Variants in SUCLG2 observed in about 807,000 individuals in gnomAD.
The protein encoded by SUCLG2 is succinate-CoA ligase GDP-forming subunit beta, also known as succinate--CoA ligase [GDP-forming] subunit beta, mitochondrial.
A neutral mutation model predicts 47.9 loss-of-function variants in SUCLG2; 42 were observed. The ratio of observed to expected loss-of-function variants is 0.88; its 90% CI spans 0.69 to 1.14. The LOEUF is 1.14. Among genes scored for constraint, SUCLG2 ranks in the 50% most tolerant of loss-of-function variants. The pLI, the probability that SUCLG2 is intolerant of heterozygous loss-of-function variation, is 0.00. For missense variants in SUCLG2, 571 were observed against 525.9 expected (o/e 1.09, Z -0.84); for synonymous variants, 195 against 197.3 (o/e 0.99, Z 0.10).
rs1044192643 is a variant in SUCLG2, at chr3:67,374,894, A to T, written c.*850T>A. On this transcript the variant is annotated 3_prime_UTR_variant, in exon 11 of 11. Transcript: ENST00000307227. ...CCATAAACTGGTAGATTCTGGGAGGATGAGGAGTAAGAGAGAAACGAGGAG... is the reference window on the plus strand; with the variant it reads ...CCATAAACTGGTAGATTCTGGGAGGTTGAGGAGTAAGAGAGAAACGAGGAG... 4.1e-6 allele frequency: 4 copies of T among 985,210 alleles called. No homozygotes were observed. The African/African-American group carries it at 7.0e-5, about 17-fold the overall frequency. The allele number at this position is 985,210 out of a possible 1,614,324, so 61.0% of individuals were successfully genotyped here.
At chr3:67,416,639 T>G (rs1418590366) in intron 9 of SUCLG2, among the ~76,000 whole-genome samples, 2 of 152,152 alleles carry the variant, frequency 1.3e-5, no homozygotes, top group Non-Finnish European at 2.9e-5. Flanking sequence ...GCAATGTGAG[T>G]TAAATGAAAA....
chr3:67,453,809 G>A (rs1251998217), intron 9 of SUCLG2, among the ~76,000 whole-genome samples: 1 of 152,056 alleles, frequency 6.6e-6, no homozygotes, highest in African/African-American at 2.4e-5. Context: ...TGTGTTCACT[G>A]GTCACATGTG....
Position 67,654,592 on chromosome 3 carries a change from A to G in SUCLG2, c.-6T>C. 2 of 1,273,038 alleles carry G rather than the reference A, an allele frequency of 1.6e-6. No individual in the cohort carries two copies. Among genetic ancestry groups the G allele is most frequent in the East Asian group, 2.9e-5 (1 of 34,154 alleles). 78.9% of individuals were successfully genotyped at this position (1,273,038 alleles called of 1,614,324 possible). A position where few individuals can be genotyped will look rare whatever the true frequency, so the allele number is the denominator to read the frequency against. On this transcript the variant is annotated 5_prime_UTR_variant, in exon 1 of 11. Coordinates refer to ENST00000307227, the MANE Select transcript of SUCLG2 (RefSeq NM_003848.4). The stretch of plus-strand genomic sequence containing the variant: ...GCTGCTACGGGGGACGCCATCTTAA[A>G]CAGGAAACTCGGCACGGGGCAGTAG...
chr3:67,609,383 C>G, intron 2 of SUCLG2, 72 bp downstream of exon 2: 1 of 1,523,192 alleles, frequency 6.6e-7, no homozygotes, highest in South Asian at 1.3e-5. Flanking sequence ...AAAAAATTAA[C>G]TAGTGGGAAG....
chr3:67,452,141 A>C (rs969679364), intron 9 of SUCLG2, among the ~76,000 whole-genome samples: 4 of 152,188 alleles, frequency 2.6e-5, no homozygotes, highest in Admixed American at 6.5e-5. Context: ...AATACAAATA[A>C]AAAACAAAAA....
At chr3:67,470,022 G>T (rs1460710424) in intron 9 of SUCLG2, among the ~76,000 whole-genome samples, 3 of 146,596 alleles carry the variant, frequency 2.0e-5, no homozygotes, top group Non-Finnish European at 4.5e-5. Context: ...TCCAGCATGG[G>T]CAACAAGAGT....
chr3:67,512,047 G>A (rs1705807504), intron 6 of SUCLG2, among the ~76,000 whole-genome samples: 2 of 150,996 alleles, frequency 1.3e-5, no homozygotes, highest in South Asian at 4.2e-4. Context: ...TAGAGATGGG[G>A]GTCTCGCTAT....
chr3:67,397,334 A>G (rs1467574992), intron 10 of SUCLG2, among the ~76,000 whole-genome samples: 1 of 151,546 alleles, frequency 6.6e-6, no homozygotes, highest in Non-Finnish European at 1.5e-5. Context: ...GTCTCAGGAT[A>G]CAAAATCAAT....
At chr3:67,409,402 T>G (rs1410804276) in intron 9 of SUCLG2, among the ~76,000 whole-genome samples, 1 of 152,178 alleles carries the variant, frequency 6.6e-6, no homozygotes, top group East Asian at 1.9e-4. Context: ...ATACAGATTT[T>G]AGATATCAGG....
chr3:67,613,791 A>C (rs1700575743), intron 1 of SUCLG2, among the ~76,000 whole-genome samples: 2 of 152,174 alleles, frequency 1.3e-5, no homozygotes, highest in Non-Finnish European at 2.9e-5. Flanking sequence ...TGAAACAGTA[A>C]AACTTCTGGA....
At chr3:67,434,396 G>A (rs1441654598) in intron 9 of SUCLG2, among the ~76,000 whole-genome samples, 1 of 152,112 alleles carries the variant, frequency 6.6e-6, no homozygotes, top group African/African-American at 2.4e-5. Flanking sequence ...GCATAGTAGT[G>A]CATATCTGTA....
intron 9 of SUCLG2, among the ~76,000 whole-genome samples, chr3:67,442,380 G>A (rs1703789068): frequency 6.6e-6 from 1 of 152,168 alleles, no homozygotes; most frequent in African/African-American, 2.4e-5. Flanking sequence ...ACCTGGAACA[G>A]CGGCATCAGT....
intron 9 of SUCLG2, among the ~76,000 whole-genome samples, chr3:67,476,712 T>C (rs1007564659): frequency 6.6e-6 from 1 of 152,162 alleles, no homozygotes; most frequent in Non-Finnish European, 1.5e-5. Flanking sequence ...TAATGTAAGA[T>C]AAGAACTGGA....
intron 10 of SUCLG2, among the ~76,000 whole-genome samples, chr3:67,361,561 C>T (rs1284881280): frequency 6.6e-6 from 1 of 152,118 alleles, no homozygotes; most frequent in South Asian, 2.1e-4. Context: ...TTTCTACCCT[C>T]GACTTGAAAA....
At chr3:67,434,286 G>A (rs6787823) in intron 9 of SUCLG2, among the ~76,000 whole-genome samples, 94,355 of 152,064 alleles carry the variant, frequency 0.62, 30,420 homozygotes, top group Admixed American at 0.75. Context: ...AGCACTTCGT[G>A]AGGCCAAGGC....
intron 9 of SUCLG2, among the ~76,000 whole-genome samples, chr3:67,492,413 T>C (rs1349977953): frequency 6.6e-6 from 1 of 152,188 alleles, no homozygotes; most frequent in African/African-American, 2.4e-5. Flanking sequence ...AGAGTATAAT[T>C]TGGAAAACAA....
intron 2 of SUCLG2, among the ~76,000 whole-genome samples, chr3:67,575,764 G>A (rs947062420): frequency 2.0e-5 from 3 of 152,166 alleles, no homozygotes; most frequent in African/African-American, 7.2e-5. Context: ...ATCCTGGTAG[G>A]AAGCATGTGT....
chr3:67,597,341 G>A (rs1026536760), intron 2 of SUCLG2, among the ~76,000 whole-genome samples: 2 of 152,120 alleles, frequency 1.3e-5, no homozygotes, highest in Admixed American at 6.5e-5. Flanking sequence ...GAAAGTCACT[G>A]GGTATGTATA....
intron 9 of SUCLG2, among the ~76,000 whole-genome samples, chr3:67,459,238 GTAGAGGGAAAC>G (rs1377377465): frequency 6.6e-6 from 1 of 152,158 alleles, no homozygotes; most frequent in African/African-American, 2.4e-5. Flanking sequence ...GCACATTTAA[GTAGAGGGAAAC>G]ACACTTAGTT....
Sources: allele counts gnomAD v4.1 joint callset (sites outside exome capture counted in the v4.1 genomes callset), GRCh38; gene constraint gnomAD v4.1.1; transcripts MANE v1.5; gene names NCBI Gene and HGNC (gene_info 2026-07-23, HGNC 2026-07-21).